ZNF827: variants seen among roughly 807,000 people sequenced by gnomAD.
The protein encoded by ZNF827 is zinc finger protein 827.
ZNF827 carries 13 observed loss-of-function variants against 102.4 expected under a neutral mutation model. The observed-to-expected ratio is 0.13, with a 90% CI of 0.08 to 0.20. ZNF827 has a LOEUF of 0.20. Ranked by LOEUF, ZNF827 falls within the 10% of genes least tolerant of loss-of-function variation. ZNF827 has a pLI of 1.00. For missense variants in ZNF827, 1,103 were observed against 1,344.4 expected (o/e 0.82, Z 2.81); for synonymous variants, 523 against 536.2 (o/e 0.98, Z 0.34).
At chr4:145,918,202 T>A (rs1460145649) in intron 1 of ZNF827, among the ~76,000 whole-genome samples, 1 of 151,966 alleles carries the variant, frequency 6.6e-6, no homozygotes, top group African/African-American at 2.4e-5. Context: ...TTAAGAAAAA[T>A]TTCCACATTA....
At chr4:145,913,762 G>A (rs1370100352) in intron 1 of ZNF827, among the ~76,000 whole-genome samples, 1 of 152,152 alleles carries the variant, frequency 6.6e-6, no homozygotes, top group Non-Finnish European at 1.5e-5. Context: ...CAGAAAAATT[G>A]TCTGCTAAGG....
At chr4:145,889,902 C>T (rs565979800) in intron 3 of ZNF827, among the ~76,000 whole-genome samples, 11 of 150,808 alleles carry the variant, frequency 7.3e-5, no homozygotes, top group Non-Finnish European at 1.5e-4. Flanking sequence ...GCTTAGAGCC[C>T]GGAGGCGGAG....
At chr4:145,909,514 T>C (rs1263102517) in intron 1 of ZNF827, among the ~76,000 whole-genome samples, 2 of 152,158 alleles carry the variant, frequency 1.3e-5, no homozygotes, top group Non-Finnish European at 1.5e-5. Flanking sequence ...GACTTCCCAC[T>C]AGAGAAAGGT....
intron 7 of ZNF827, among the ~76,000 whole-genome samples, chr4:145,825,729 AGT>A (rs1257931498): frequency 3.3e-5 from 5 of 152,336 alleles, no homozygotes; most frequent in African/African-American, 1.2e-4. Context: ...TGTCTTCAAA[AGT>A]GTGGATTCCT....
intron 8 of ZNF827, among the ~76,000 whole-genome samples, chr4:145,783,900 G>T (rs1291649568): frequency 1.3e-5 from 2 of 152,170 alleles, no homozygotes; most frequent in Non-Finnish European, 2.9e-5. Flanking sequence ...ATTGGAGGTG[G>T]GGCCTTGTGG....
intron 4 of ZNF827, among the ~76,000 whole-genome samples, chr4:145,875,922 ATTAAT>A (rs1749111727): frequency 6.6e-6 from 1 of 152,240 alleles, no homozygotes; most frequent in Non-Finnish European, 1.5e-5. Context: ...TGTAAAATTA[ATTAAT>A]TTAAAATTTA....
intron 8 of ZNF827, among the ~76,000 whole-genome samples, chr4:145,812,136 G>A (rs943468036): frequency 3.3e-5 from 5 of 151,786 alleles, no homozygotes; most frequent in African/African-American, 1.2e-4. Flanking sequence ...ATGTTGGTCA[G>A]GCTGGTCTTT....
chr4:145,826,519 A>G (rs930678527), intron 7 of ZNF827, among the ~76,000 whole-genome samples: 5 of 152,204 alleles, frequency 3.3e-5, no homozygotes, highest in Non-Finnish European at 7.3e-5. Flanking sequence ...ACAGTACAGT[A>G]CAATAAGATA....
chr4:145,916,368 T>C (rs1220639913), intron 1 of ZNF827, among the ~76,000 whole-genome samples: 1 of 152,078 alleles, frequency 6.6e-6, no homozygotes, highest in East Asian at 1.9e-4. Context: ...ACACCTGGGG[T>C]GAACTGGGGG....
intron 3 of ZNF827, among the ~76,000 whole-genome samples, chr4:145,889,554 C>CA (rs369247847): frequency 7.3e-6 from 1 of 136,772 alleles, no homozygotes; most frequent in African/African-American, 2.7e-5. Context: ...ACTGACCCCA[C>CA]TTTTTTTTTT....
At chr4:145,863,279 A>T (rs1019126989) in intron 5 of ZNF827, among the ~76,000 whole-genome samples, 1 of 152,170 alleles carries the variant, frequency 6.6e-6, no homozygotes, top group African/African-American at 2.4e-5. Flanking sequence ...AGAAATTGAG[A>T]CCCTCATCCA....
intron 7 of ZNF827, among the ~76,000 whole-genome samples, chr4:145,826,527 AT>A (rs1743694702): frequency 6.6e-6 from 1 of 152,200 alleles, no homozygotes; most frequent in Non-Finnish European, 1.5e-5. Context: ...GTACAATAAG[AT>A]ATTTTGAGAG....
At chr4:145,851,291 T>C (rs201044635) in intron 5 of ZNF827, among the ~76,000 whole-genome samples, 9 of 137,208 alleles carry the variant, frequency 6.6e-5, no homozygotes, top group African/African-American at 2.4e-4. Flanking sequence ...GATAGATAGA[T>C]AGATAGACAG....
chr4:145,768,916 T>TAA (rs34051922), intron 11 of ZNF827, among the ~76,000 whole-genome samples: 2,457 of 34,382 alleles, frequency 0.071, 629 homozygotes, highest in East Asian at 0.13. Context: ...TATATATATA[T>TAA]TAGGTATACA....
intron 4 of ZNF827, among the ~76,000 whole-genome samples, chr4:145,878,602 C>CAGGAAAGGAAAGGAAAGGAAAGGAA: frequency 4.7e-5 from 3 of 63,484 alleles, no homozygotes; most frequent in Non-Finnish European, 9.1e-5. Context: ...CAGGACAGGA[C>CAGGAAAGGAAAGGAAAGGAAAGGAA]AGGAAAGGAA....
At chr4:145,846,161 C>A (rs34221205) in intron 6 of ZNF827, 148 bp from the exon 7 acceptor site, 196,640 of 728,830 alleles carry the variant, frequency 0.27, 28,820 homozygotes, top group African/African-American at 0.36. Context: ...AGATCCTCCC[C>A]ATCTTACTGG....
chr4:145,825,377 G>A (rs1177291023), intron 7 of ZNF827, among the ~76,000 whole-genome samples: 1 of 152,226 alleles, frequency 6.6e-6, no homozygotes, highest in Admixed American at 6.5e-5. Context: ...AGTGTCTTAA[G>A]TAAGGGGGTC....
chr4:145,829,643 TG>T (rs1347543974), intron 7 of ZNF827, among the ~76,000 whole-genome samples: 3 of 152,234 alleles, frequency 2.0e-5, no homozygotes, highest in Non-Finnish European at 2.9e-5. Flanking sequence ...AAAAGAGAGC[TG>T]GAAGTCCCAG....
At chr4:145,815,673 C>T (rs1431999009) in intron 8 of ZNF827, among the ~76,000 whole-genome samples, 1 of 152,124 alleles carries the variant, frequency 6.6e-6, no homozygotes, top group Non-Finnish European at 1.5e-5. Context: ...TTTTTGATAG[C>T]AAAGGAATGG....
Sources: allele counts gnomAD v4.1 joint callset (sites outside exome capture counted in the v4.1 genomes callset), GRCh38; gene constraint gnomAD v4.1.1; transcripts MANE v1.5; gene names NCBI Gene and HGNC (gene_info 2026-07-23, HGNC 2026-07-21).